FIBCD1: variants seen among roughly 807,000 people sequenced by gnomAD.
The protein encoded by FIBCD1 is fibrinogen C domain-containing protein 1.
Under a neutral mutation model 45.1 loss-of-function variants are expected in FIBCD1, and 47 were observed. The observed-to-expected ratio is 1.04, with a 90% CI of 0.82 to 1.33. The LOEUF (loss-of-function observed/expected upper bound fraction) is 1.33, where lower values mean the gene tolerates loss of function less well. Among genes scored for constraint, FIBCD1 ranks in the 40% most tolerant of loss-of-function variants. The probability of loss-of-function intolerance (pLI) is 0.00; values close to 1 mark genes in which losing one functional copy is unlikely to be tolerated. For missense variants in FIBCD1, 653 were observed against 682.2 expected (o/e 0.96, Z 0.48); for synonymous variants, 313 against 308.1 (o/e 1.02, Z -0.17).
Position 130,928,776 on chromosome 9 carries a change from G to A in FIBCD1, c.552+791C>T, listed in dbSNP as rs542385452. On this transcript the variant is annotated intron_variant, in intron 2 of 6. Coordinates refer to ENST00000372338, the MANE Select transcript of FIBCD1 (RefSeq NM_032843.5). The stretch of plus-strand genomic sequence containing the variant: ...AGGGGCCGGGCAGGGCTCCAGCAGG[G>A]GCTGGATTCCAGGTCTGACCTGGCC... Among the ~76,000 whole-genome samples, 23 of 152,250 alleles carry A rather than the reference G, an allele frequency of 1.5e-4. No individual in the cohort carries two copies. In the South Asian group the frequency reaches 4.3e-3, roughly 29 times the overall value.
chr9:130,904,090 T>C lies in FIBCD1; in HGVS notation c.1360A>G (p.Ile454Val), dbSNP rs1159427063. The change falls in exon 7 of 7, where the codon ATC (isoleucine) becomes GTC (valine). Residue 454 changes from isoleucine to valine, a missense_variant. Physicochemically the swap from Ile to Val is conservative, Grantham distance 29. Transcript: ENST00000372338. The part of the protein sequence containing the change: ...QYSLKFSEMK[I>V]RPVREDR ...TAGCGGTCCTCCCGGACCGGCCGGA[T>C]CTTCATCTCAGAGAACTTGAGTGAG... The C allele has an allele frequency of 6.2e-7, 1 of 1,612,864 alleles. No homozygotes were observed. The highest frequency in any genetic ancestry group is 1.3e-5 in the African/African-American group (1 of 74,892).
intron 1 of FIBCD1, among the ~76,000 whole-genome samples, chr9:130,931,276 G>A (rs1487557621): frequency 2.0e-5 from 3 of 152,220 alleles, no homozygotes; most frequent in Non-Finnish European, 4.4e-5. Context: ...TTGGGAGGCC[G>A]AGGCGGGCAG....
upstream of FIBCD1, among the ~76,000 whole-genome samples, chr9:130,939,639 C>T (rs887127416): frequency 2.0e-5 from 3 of 151,574 alleles, no homozygotes; most frequent in African/African-American, 7.3e-5. Context: ...GAGTACCAGC[C>T]GCTCCGCGCT....
chr9:130,905,364 G>C lies in FIBCD1; in HGVS notation c.996C>G (p.His332Gln). 6.2e-7 allele frequency: 1 copy of C among 1,614,014 alleles called. No individual in the cohort carries two copies. Among genetic ancestry groups the C allele is most frequent in the Non-Finnish European group, 8.5e-7 (1 of 1,179,968 alleles). Residue 332 changes from histidine to glutamine, a missense_variant, in exon 6 of 7, where the codon CAC becomes CAG. Physicochemically the swap from His to Gln is conservative, Grantham distance 24. Transcript: ENST00000372338. Reference protein sequence around the residue: ...ALTTQAAYELHVDLEDFENGT... With the variant: ...ALTTQAAYELQVDLEDFENGT... The stretch of plus-strand genomic sequence containing the variant: ...CATTCTCAAAGTCCTCCAGGTCCAC[G>C]TGCAGCTCGTAGGCAGCCTGTGTGG...
rs1452446484 is a variant in FIBCD1 at position 130,930,443 on chromosome 9, T to TGCGGGGAGAC, written c.73-407_73-398dup. ...GGAGACACGGGGAGACATGGGGAGA[T>TGCGGGGAGAC]GCGGGGAGACGCAGGGAGACGCGGG... On this transcript the variant is annotated intron_variant, in intron 1 of 6. Transcript: ENST00000372338. Among the ~76,000 whole-genome samples the TGCGGGGAGAC allele has an allele frequency of 4.4e-4, 64 of 145,690 alleles. 1 individual carries two copies. The highest frequency in any genetic ancestry group is 4.2e-3 in the South Asian group (19 of 4,550).
intron 5 of FIBCD1, among the ~76,000 whole-genome samples, chr9:130,908,033 C>T (rs1337667083): frequency 6.6e-6 from 1 of 151,086 alleles, no homozygotes; most frequent in East Asian, 1.9e-4. Flanking sequence ...AAAAGGGTGG[C>T]AGAACTGAGT....
chr9:130,922,111 T>C lies in FIBCD1; in HGVS notation c.849+1633A>G, dbSNP rs1411780649. 1.3e-5 allele frequency among the ~76,000 whole-genome samples: 2 copies of C among 152,186 alleles called. No homozygotes were observed. Among genetic ancestry groups the C allele is most frequent in the Non-Finnish European group, 2.9e-5 (2 of 68,026 alleles). ...CCCGCCAAGAGGCTTCCCTCTCTCC[T>C]GTTTCTCGGTCACTTGTTTTGTCTG... On this transcript the variant is annotated intron_variant, in intron 4 of 6. Coordinates refer to ENST00000372338, the MANE Select transcript of FIBCD1 (RefSeq NM_032843.5). The surrounding 1 kb of genome is among the most constrained non-coding windows in gnomAD (Gnocchi z 4.5).
At chr9:130,909,716 A>C (rs1429002804) in intron 5 of FIBCD1, among the ~76,000 whole-genome samples, 1 of 152,234 alleles carries the variant, frequency 6.6e-6, no homozygotes, top group African/African-American at 2.4e-5. Flanking sequence ...TTGTTTAGAT[A>C]AATGAAGTTT....
Position 130,923,882 on chromosome 9 carries a change from T to C in FIBCD1, c.713-2A>G. The C allele has an allele frequency of 1.2e-6, 2 of 1,612,192 alleles. No homozygotes were observed. The highest frequency in any genetic ancestry group is 1.7e-6 in the Non-Finnish European group (2 of 1,179,922). ...CCAGACAGTCTCGGGGCCGGGAGCC[T>C]GAGGGAGGCAAGGCTGTCAGGGTGG... On this transcript the variant is annotated splice_acceptor_variant, in intron 3 of 6. Transcript: ENST00000372338. LOFTEE classifies it high-confidence loss of function.
rs1312763793 is a variant in FIBCD1 at position 130,926,253 on chromosome 9, A to C, written c.553-1857T>G. Among the ~76,000 whole-genome samples the C allele has an allele frequency of 6.6e-6, 1 of 152,216 alleles. No individual in the cohort carries two copies. Among genetic ancestry groups the C allele is most frequent in the Admixed American group, 6.5e-5 (1 of 15,278 alleles). On this transcript the variant is annotated intron_variant, in intron 2 of 6. Coordinates refer to ENST00000372338, the MANE Select transcript of FIBCD1 (RefSeq NM_032843.5). The surrounding 1 kb of genome is among the most constrained non-coding windows in gnomAD (Gnocchi z 4.1). ...ACACGGCCACAACGCACTAAAAAAA[A>C]CTCAGGCACGGCCTCCTCCCTCTTG... is the stretch of plus-strand genomic sequence containing the variant.
At chr9:130,911,731 CTG>C (rs1217817841) in intron 5 of FIBCD1, 59 bp downstream of exon 5, 100 of 1,474,226 alleles carry the variant, frequency 6.8e-5, no homozygotes, top group South Asian at 3.6e-5. Context: ...TGGGACCCAA[CTG>C]TGTCCGGAAG....
Position 130,932,438 on chromosome 9 carries a change from G to A in FIBCD1, c.73-2392C>T, listed in dbSNP as rs192454223. Among the ~76,000 whole-genome samples, 162 of 152,294 alleles carry A rather than the reference G, an allele frequency of 1.1e-3. 1 individual carries two copies. Among genetic ancestry groups the A allele is most frequent in the Non-Finnish European group, 1.9e-3 (127 of 68,014 alleles). ...CCTGCCCAGTTCTCTTGGGGGCCGC[G>A]TCCATTCCGGGCTCCACGCATCAAG... On this transcript the variant is annotated intron_variant, in intron 1 of 6. Transcript: ENST00000372338.
At chr9:130,905,463 A>C in intron 5 of FIBCD1, 50 bp from the exon 6 acceptor site, 1 of 1,548,160 alleles carries the variant, frequency 6.5e-7, no homozygotes. Context: ...GTAGGAAGCG[A>C]CTCCCCAGGG....
intron 5 of FIBCD1, among the ~76,000 whole-genome samples, chr9:130,909,611 C>T (rs766591400): frequency 2.0e-5 from 3 of 152,154 alleles, no homozygotes; most frequent in Non-Finnish European, 4.4e-5. Context: ...GAAAAATCCA[C>T]CTCATTTCAA....
intron 3 of FIBCD1, 115 bp downstream of exon 3, chr9:130,924,122 T>C: frequency 7.3e-7 from 1 of 1,377,638 alleles, no homozygotes. Context: ...GCAGGCCACA[T>C]GGAAGTAGGG....
At chr9:130,913,454 C>T (rs964453695) in intron 4 of FIBCD1, among the ~76,000 whole-genome samples, 1 of 152,234 alleles carries the variant, frequency 6.6e-6, no homozygotes. Context: ...GCCGCGTGAG[C>T]GTTTGCCAAT....
rs1832321951 is a variant in FIBCD1, at chr9:130,924,358, C to T, written c.591G>A (p.Val197=). 1 of 1,609,624 alleles carries T rather than the reference C, an allele frequency of 6.2e-7. No homozygotes were observed. Among genetic ancestry groups the T allele is most frequent in the South Asian group, 1.1e-5 (1 of 90,030 alleles). ...SESQGHMAHL[V]NSVSDILDAL... ...CATCCAGGATGTCGCTGACGGAGTT[C>T]ACCAGGTGAGCCATGTGGCCCTGGC... Residue 197 remains valine, a synonymous_variant, in exon 3 of 7, where the codon GTG becomes GTA. Transcript: ENST00000372338.
chr9:130,914,519 CAGGGAAGT>C (rs972833772), intron 4 of FIBCD1, among the ~76,000 whole-genome samples: 8 of 152,216 alleles, frequency 5.3e-5, no homozygotes, highest in African/African-American at 1.9e-4. Context: ...GCAGAAAATG[CAGGGAAGT>C]AGGCCACAGT....
chr9:130,935,994 G>A (rs920657278), intron 1 of FIBCD1, among the ~76,000 whole-genome samples: 3 of 152,206 alleles, frequency 2.0e-5, no homozygotes, highest in Non-Finnish European at 2.9e-5. Context: ...TTTCCTGGGG[G>A]GCAGAGAGGA....
Sources: allele counts gnomAD v4.1 joint callset (sites outside exome capture counted in the v4.1 genomes callset), GRCh38; gene constraint gnomAD v4.1.1; non-coding constraint Gnocchi (gnomAD v3.1); transcripts MANE v1.5; gene names NCBI Gene and HGNC (gene_info 2026-07-23, HGNC 2026-07-21).